Variants in CCSER1 observed in about 807,000 individuals in gnomAD.
CCSER1 encodes the protein coiled-coil serine rich protein 1, also known as serine-rich coiled-coil domain-containing protein 1.
In CCSER1, 41 loss-of-function variants were observed where a neutral mutation model predicts 82.0. The observed-to-expected ratio is 0.50, with a 90% confidence interval of 0.39 to 0.65. The LOEUF (loss-of-function observed/expected upper bound fraction) is 0.65. Ranked by LOEUF, CCSER1 falls within the 30% of genes least tolerant of loss-of-function variation. The probability of loss-of-function intolerance (pLI) is 0.00; values close to 1 mark genes in which losing one functional copy is unlikely to be tolerated. For missense variants in CCSER1, 1,119 were observed against 1,064.2 expected (o/e 1.05, Z -0.72); for synonymous variants, 414 against 383.9 (o/e 1.08, Z -0.92).
chr4:90,789,911 A>G lies in CCSER1; in HGVS notation c.2011-25851A>G, dbSNP rs899580847. Among the ~76,000 whole-genome samples, 5 of 152,268 alleles carry G rather than the reference A, an allele frequency of 3.3e-5. No individual in the cohort carries two copies. The East Asian group carries it at 7.7e-4, about 24-fold the overall frequency. On this transcript the variant is annotated intron_variant, in intron 7 of 10. Transcript: ENST00000509176. Reference sequence around the variant, plus strand: ...GCTGGATTTTATAAGGAACATTTCAATTGAACTCATTATATATTTTACCTT... The same window carrying G: ...GCTGGATTTTATAAGGAACATTTCAGTTGAACTCATTATATATTTTACCTT...
intron 9 of CCSER1, among the ~76,000 whole-genome samples, chr4:91,082,611 G>A (rs1213939353): frequency 1.3e-5 from 2 of 152,122 alleles, no homozygotes; most frequent in South Asian, 4.1e-4. Context: ...ACTACCATCA[G>A]AGTGAATAGG....
At chr4:90,282,475 G>C (rs1414613234) in intron 1 of CCSER1, among the ~76,000 whole-genome samples, 1 of 150,788 alleles carries the variant, frequency 6.6e-6, no homozygotes, top group Non-Finnish European at 1.5e-5. Context: ...TGTTATTGTT[G>C]CTGTTAATTT....
At chr4:91,003,247 T>C (rs1161113197) in intron 9 of CCSER1, among the ~76,000 whole-genome samples, 1 of 152,026 alleles carries the variant, frequency 6.6e-6, no homozygotes, top group African/African-American at 2.4e-5. Context: ...GCTGTAGTAG[T>C]ATGGGGAGGA....
intron 1 of CCSER1, among the ~76,000 whole-genome samples, chr4:90,307,225 G>A (rs2153477596): frequency 6.6e-6 from 1 of 152,102 alleles, no homozygotes; most frequent in African/African-American, 2.4e-5. Flanking sequence ...CCTCACTCGT[G>A]TCCTCCTCCT....
intron 10 of CCSER1, among the ~76,000 whole-genome samples, chr4:91,378,105 C>G (rs1223965865): frequency 6.6e-6 from 1 of 152,104 alleles, no homozygotes; most frequent in Non-Finnish European, 1.5e-5. Flanking sequence ...TTCCATTGGT[C>G]TATATCTCTG....
At chr4:90,792,811 T>A (rs1755451617) in intron 7 of CCSER1, among the ~76,000 whole-genome samples, 1 of 152,188 alleles carries the variant, frequency 6.6e-6, no homozygotes, top group Admixed American at 6.5e-5. Context: ...GTGGCTAGAC[T>A]AATTTAGATA....
chr4:91,155,209 A>G (rs1392995806), intron 10 of CCSER1, among the ~76,000 whole-genome samples: 1 of 151,718 alleles, frequency 6.6e-6, no homozygotes, highest in Non-Finnish European at 1.5e-5. Flanking sequence ...GTTTCATGGG[A>G]GGGACCTGCT....
intron 10 of CCSER1, among the ~76,000 whole-genome samples, chr4:91,418,361 G>A (rs1753503110): frequency 7.5e-6 from 1 of 133,414 alleles, no homozygotes; most frequent in Non-Finnish European, 1.6e-5. Flanking sequence ...GAAAAAGAGT[G>A]AGACTCAAAT....
At chr4:90,769,970 C>T (rs1252188809) in intron 7 of CCSER1, among the ~76,000 whole-genome samples, 1 of 152,100 alleles carries the variant, frequency 6.6e-6, no homozygotes, top group African/African-American at 2.4e-5. Flanking sequence ...TAGCTTCTAA[C>T]AAATATGATA....
At chr4:90,630,929 T>C (rs1332966672) in intron 6 of CCSER1, among the ~76,000 whole-genome samples, 1 of 150,746 alleles carries the variant, frequency 6.6e-6, no homozygotes, top group East Asian at 1.9e-4. Context: ...AGTCTCGCTC[T>C]GTCACCCAGG....
chr4:91,410,520 T>C (rs1375399805), intron 10 of CCSER1, among the ~76,000 whole-genome samples: 1 of 152,178 alleles, frequency 6.6e-6, no homozygotes, highest in Admixed American at 6.6e-5. Context: ...GCTTGAGTCC[T>C]TCGAAAGCTG....
intron 6 of CCSER1, among the ~76,000 whole-genome samples, chr4:90,674,926 A>G (rs185784959): frequency 4.2e-4 from 64 of 152,052 alleles, no homozygotes; most frequent in Non-Finnish European, 1.8e-4. Context: ...TTATAATGAA[A>G]ATATTATTGT....
intron 8 of CCSER1, among the ~76,000 whole-genome samples, chr4:90,860,980 G>A (rs970525569): frequency 1.3e-5 from 2 of 151,470 alleles, no homozygotes; most frequent in African/African-American, 4.8e-5. Context: ...AACCACTGAA[G>A]TGTACACTTT....
Position 90,478,469 on chromosome 4 carries a change from A to G in CCSER1, c.1724+10115A>G, listed in dbSNP as rs555508951. Among the ~76,000 whole-genome samples, 3 of 152,318 alleles carry G rather than the reference A, an allele frequency of 2.0e-5. No homozygotes were observed. The South Asian group carries it at 6.2e-4, about 32-fold the overall frequency. ...GTAAGCATAATTACGTGTTGAATATATAAATTAGGGTTGTAAACTATTGTT... is the reference window on the plus strand; with the variant it reads ...GTAAGCATAATTACGTGTTGAATATGTAAATTAGGGTTGTAAACTATTGTT... On this transcript the variant is annotated intron_variant, in intron 5 of 10. Coordinates refer to ENST00000509176, the MANE Select transcript of CCSER1 (RefSeq NM_001145065.2).
chr4:90,526,614 A>G (rs893669828), intron 5 of CCSER1, among the ~76,000 whole-genome samples: 10 of 152,216 alleles, frequency 6.6e-5, no homozygotes, highest in African/African-American at 2.2e-4. Context: ...GAGTGAGAAC[A>G]TGCAGTGTTT....
At chr4:91,171,935 C>A (rs1560489671) in intron 10 of CCSER1, among the ~76,000 whole-genome samples, 3 of 151,906 alleles carry the variant, frequency 2.0e-5, no homozygotes, top group Non-Finnish European at 1.5e-5. Flanking sequence ...TTTAAATATT[C>A]AGGGTCCAAC....
At chr4:90,449,176 A>G (rs1267132261) in intron 4 of CCSER1, among the ~76,000 whole-genome samples, 1 of 152,084 alleles carries the variant, frequency 6.6e-6, no homozygotes, top group Non-Finnish European at 1.5e-5. Context: ...CAGGCAGGTC[A>G]TCCCAACGTC....
intron 10 of CCSER1, among the ~76,000 whole-genome samples, chr4:91,444,460 T>TC (rs1282629308): frequency 1.3e-5 from 2 of 151,218 alleles, no homozygotes; most frequent in Admixed American, 1.3e-4. Flanking sequence ...TTCTTTTGCT[T>TC]TTTTTTTGAG....
At chr4:90,846,049 C>T (rs927718989) in intron 8 of CCSER1, among the ~76,000 whole-genome samples, 13 of 152,148 alleles carry the variant, frequency 8.5e-5, no homozygotes, top group African/African-American at 3.1e-4. Flanking sequence ...CAGTAGAACA[C>T]TGGATTTATT....
Sources: allele counts gnomAD v4.1 joint callset (sites outside exome capture counted in the v4.1 genomes callset), GRCh38; gene constraint gnomAD v4.1.1; transcripts MANE v1.5; gene names NCBI Gene and HGNC (gene_info 2026-07-23, HGNC 2026-07-21).